SHLD3: variants seen among roughly 807,000 people sequenced by gnomAD.
The protein encoded by SHLD3 is REV7-interacting novel NHEJ regulator 1.
Under a neutral mutation model 21.4 loss-of-function variants are expected in SHLD3, and 15 were observed. That is an observed-to-expected ratio of 0.70 (90% CI 0.47 to 1.08). The LOEUF is 1.08. Ranked by LOEUF, SHLD3 falls within the 50% of genes least tolerant of loss-of-function variation. SHLD3 has a pLI of 0.00. For synonymous variants in SHLD3, 103 were observed against 97.2 expected, an observed-to-expected ratio of 1.06 and a Z score of -0.35; for missense variants, 273 against 286.1, an observed-to-expected ratio of 0.95 and a Z score of 0.33.
chr5:65,626,703 G>A (rs577014614), intron 1 of SHLD3, among the ~76,000 whole-genome samples: 1 of 151,944 alleles, frequency 6.6e-6, no homozygotes, highest in South Asian at 2.1e-4. Context: ...GCCACTGCAC[G>A]CCATCCTAGG....
At chr5:65,627,376 T>C (rs138733513) in intron 1 of SHLD3, among the ~76,000 whole-genome samples, 1 of 152,040 alleles carries the variant, frequency 6.6e-6, no homozygotes, top group African/African-American at 2.4e-5. Context: ...AAAGATAATA[T>C]CTTGTTATTC....
At position 65,630,037 on chromosome 5, in the gene SHLD3, A is replaced by G. The variant is rs1280515184; in HGVS notation, c.450A>G (p.Lys150=). Residue 150 remains lysine, a synonymous_variant, in exon 2 of 2, where the codon AAA becomes AAG. Coordinates refer to ENST00000510585, the MANE Select transcript of SHLD3 (RefSeq NM_001365341.2). ...CTAAAAACGTTTCTCCTTTGTCTAAAAAATTGCAAGATAGTTTAAAGGCAC... is the reference window on the plus strand; with the variant it reads ...CTAAAAACGTTTCTCCTTTGTCTAAGAAATTGCAAGATAGTTTAAAGGCAC... ...NCTKNVSPLS[K]KLQDSLKALN... The G allele has an allele frequency of 6.5e-7, 1 of 1,536,064 alleles. No homozygotes were observed. The highest frequency in any genetic ancestry group is 2.0e-5 in the Admixed American group (1 of 50,992).
rs773174839 is a variant in SHLD3, at chr5:65,630,218, A to G, written c.631A>G (p.Ile211Val). ...NATIQRHLGQ[I>V]WVFCDIMYCE... ...TACAATTCAGAGGCATTTAGGCCAA[A>G]TATGGGTGTTCTGTGATATTATGTA... The change falls in exon 2 of 2, where the codon ATA becomes GTA. Residue 211 changes from isoleucine to valine, a missense_variant. Ile to Val is a conservative substitution (Grantham distance 29). Coordinates refer to ENST00000510585, the MANE Select transcript of SHLD3 (RefSeq NM_001365341.2). 7.2e-6 allele frequency: 11 copies of G among 1,535,858 alleles called. No individual in the cohort carries two copies. The highest frequency in any genetic ancestry group is 8.7e-7 in the Non-Finnish European group (1 of 1,146,826).
intron 1 of SHLD3, among the ~76,000 whole-genome samples, chr5:65,628,042 G>A (rs1755331034): frequency 6.6e-6 from 1 of 152,098 alleles, no homozygotes; most frequent in Non-Finnish European, 1.5e-5. Flanking sequence ...TTTTTCTGCT[G>A]TTGTTAGGAT....
intron 1 of SHLD3, among the ~76,000 whole-genome samples, chr5:65,629,070 C>T (rs1223366283): frequency 6.6e-6 from 1 of 152,060 alleles, no homozygotes; most frequent in Non-Finnish European, 1.5e-5. Flanking sequence ...ATTTAGTTGC[C>T]TCAAATTTTT....
intron 1 of SHLD3, among the ~76,000 whole-genome samples, chr5:65,626,565 G>A (rs958278919): frequency 6.6e-6 from 1 of 152,012 alleles, no homozygotes; most frequent in Non-Finnish European, 1.5e-5. Flanking sequence ...GTGAAACCCC[G>A]TCTCTATAAA....
rs148840709 is a variant in SHLD3, at chr5:65,625,765, T to A, written c.-121+659T>A. On this transcript the variant is annotated intron_variant, in intron 1 of 1. Coordinates refer to ENST00000510585, the MANE Select transcript of SHLD3 (RefSeq NM_001365341.2). The stretch of plus-strand genomic sequence containing the variant: ...TGCCTATTTTCTGGAAACCTTTTAT[T>A]TGAAATCTTTTCAGCTTTATTTTAT... Among the ~76,000 whole-genome samples the A allele has an allele frequency of 4.6e-5, 7 of 152,358 alleles. No individual in the cohort carries two copies. In the East Asian group the frequency reaches 1.3e-3, roughly 29 times the overall value.
intron 1 of SHLD3, 75 bp downstream of exon 1, chr5:65,625,181 G>A: frequency 2.4e-6 from 3 of 1,265,066 alleles, no homozygotes; most frequent in Non-Finnish European, 3.5e-6. Flanking sequence ...TTGCCATGTA[G>A]GCCTCATCCT....
In SHLD3 at chr5:65,629,455, A is replaced by G; in HGVS notation, c.-120-13A>G. ...CCTACCATATCTTATTCTTTGCAATACTTCTACTTTAGGTCCTGTTTCCCT... is the reference window on the plus strand; with the variant it reads ...CCTACCATATCTTATTCTTTGCAATGCTTCTACTTTAGGTCCTGTTTCCCT... On this transcript the variant is annotated splice_polypyrimidine_tract_variant and intron_variant, in intron 1 of 1. Transcript: ENST00000510585. 2.8e-6 allele frequency: 4 copies of G among 1,411,344 alleles called. No individual in the cohort carries two copies. The highest frequency in any genetic ancestry group is 3.7e-6 in the Non-Finnish European group (4 of 1,086,806). 87.4% of individuals were successfully genotyped at this position (1,411,344 alleles called of 1,614,324 possible). A position where few individuals can be genotyped will look rare whatever the true frequency, so the allele number is the denominator to read the frequency against.
chr5:65,626,596 C>G (rs1755244017), intron 1 of SHLD3, among the ~76,000 whole-genome samples: 1 of 152,060 alleles, frequency 6.6e-6, no homozygotes, highest in Admixed American at 6.5e-5. Flanking sequence ...GTTAGCCAGG[C>G]GTGGTGGCGG....
chr5:65,629,537 A>G lies in SHLD3; in HGVS notation c.-51A>G, dbSNP rs888194411. The G allele has an allele frequency of 3.4e-6, 5 of 1,469,100 alleles. No homozygotes were observed. Among genetic ancestry groups the G allele is most frequent in the Non-Finnish European group, 2.7e-6 (3 of 1,116,174 alleles). The allele number at this position is 1,469,100 out of a possible 1,614,324, so 91.0% of individuals were successfully genotyped here. A position where few individuals can be genotyped will look rare whatever the true frequency, so the allele number is the denominator to read the frequency against. ...ATAAATTAACATTCTAGCTCTGAGG[A>G]GTTCAACTAAGAAATTTTCTCATCA... On this transcript the variant is annotated 5_prime_UTR_variant, in exon 2 of 2. Transcript: ENST00000510585.
chr5:65,626,870 G>T (rs1389637334), intron 1 of SHLD3, among the ~76,000 whole-genome samples: 2 of 152,058 alleles, frequency 1.3e-5, no homozygotes, highest in Non-Finnish European at 2.9e-5. Flanking sequence ...TAAGCCAGGC[G>T]TGGTGGCTCA....
chr5:65,630,800 A>T lies in SHLD3; in HGVS notation c.*460A>T, dbSNP rs1253829593. On this transcript the variant is annotated 3_prime_UTR_variant, in exon 2 of 2. Coordinates refer to ENST00000510585, the MANE Select transcript of SHLD3 (RefSeq NM_001365341.2). ...TTCCAAAGATATGTAATAACAATTG[A>T]TAGGCTGTTTTCAAACAACGATACA... is the stretch of plus-strand genomic sequence containing the variant. 2.0e-6 allele frequency: 1 copy of T among 508,974 alleles called. No individual in the cohort carries two copies. Among genetic ancestry groups the T allele is most frequent in the Non-Finnish European group, 2.5e-6 (1 of 394,256 alleles). The allele number at this position is 508,974 out of a possible 1,614,324, so 31.5% of individuals were successfully genotyped here. A position where few individuals can be genotyped will look rare whatever the true frequency, so the allele number is the denominator to read the frequency against.
rs1179749596 is a variant in SHLD3 at position 65,629,848 on chromosome 5, A to G, written c.261A>G (p.Thr87=). The G allele has an allele frequency of 6.5e-7, 1 of 1,536,092 alleles. No homozygotes were observed. The highest frequency in any genetic ancestry group is 1.2e-5 in the South Asian group (1 of 84,062). Residue 87 remains threonine (T), a synonymous_variant, in exon 2 of 2, where the codon ACA becomes ACG. Transcript: ENST00000510585. ...HDAKSHSYDC[T]VDLLEFQPSL... is the part of the protein sequence containing the mutation. ...CTAAGTCACACAGTTATGATTGCAC[A>G]GTAGATCTATTGGAGTTTCAACCTA...
At position 65,625,673 on chromosome 5, in the gene SHLD3, G is replaced by A. The variant is rs145503451; in HGVS notation, c.-121+567G>A. On this transcript the variant is annotated intron_variant, in intron 1 of 1. Coordinates refer to ENST00000510585, the MANE Select transcript of SHLD3 (RefSeq NM_001365341.2). ...TACACAGCCATTTTGAGTAAGTTTG[G>A]TGATTTAATTAGATCATTATTTAGG... Among the ~76,000 whole-genome samples the A allele has an allele frequency of 2.7e-3, 404 of 152,030 alleles. 5 individuals carry two copies. Among genetic ancestry groups the A allele is most frequent in the African/African-American group, 8.6e-3 (358 of 41,452 alleles).
At chr5:65,628,516 A>G (rs1290065987) in intron 1 of SHLD3, among the ~76,000 whole-genome samples, 2 of 150,912 alleles carry the variant, frequency 1.3e-5, no homozygotes, top group African/African-American at 2.4e-5. Context: ...CTGGAGTGCA[A>G]TGGGAGTACG....
intron 1 of SHLD3, among the ~76,000 whole-genome samples, chr5:65,625,713 CTTTTT>C (rs911012959): frequency 6.1e-5 from 9 of 147,622 alleles, no homozygotes; most frequent in African/African-American, 2.2e-4. Context: ...AACAGCAGCA[CTTTTT>C]TTTTTAGGAC....
At chr5:65,627,463 C>T (rs1755296399) in intron 1 of SHLD3, among the ~76,000 whole-genome samples, 1 of 151,874 alleles carries the variant, frequency 6.6e-6, no homozygotes, top group Non-Finnish European at 1.5e-5. Flanking sequence ...AACCCCGTCT[C>T]TACTGAAAAT....
At chr5:65,626,115 T>C (rs979610856) in intron 1 of SHLD3, 1 of 152,192 alleles carries the variant, frequency 6.6e-6, no homozygotes. Flanking sequence ...TAGACTAAAA[T>C]GGAGATTAAA....
Sources: allele counts gnomAD v4.1 joint callset (sites outside exome capture counted in the v4.1 genomes callset), GRCh38; gene constraint gnomAD v4.1.1; transcripts MANE v1.5; gene names NCBI Gene and HGNC (gene_info 2026-07-23, HGNC 2026-07-21).